Variants in CTNNBIP1 observed in about 807,000 individuals in gnomAD.
The protein encoded by CTNNBIP1 is beta-catenin-interacting protein 1.
Under a neutral mutation model 11.8 loss-of-function variants are expected in CTNNBIP1, and 7 were observed. That is an observed-to-expected ratio of 0.60 (90% confidence interval 0.34 to 1.12). The LOEUF is 1.12. CTNNBIP1 is among the 50% of genes most tolerant of loss of function. The pLI, the probability that CTNNBIP1 is intolerant of heterozygous loss-of-function variation, is 0.03. For synonymous variants in CTNNBIP1, 58 were observed against 43.9 expected (o/e 1.32, Z -1.26); for missense variants, 101 against 113.4 (o/e 0.89, Z 0.50).
intron 5 of CTNNBIP1, among the ~76,000 whole-genome samples, chr1:9,856,012 GT>G (rs1267525227): frequency 6.6e-6 from 1 of 152,094 alleles, no homozygotes; most frequent in Non-Finnish European, 1.5e-5. Flanking sequence ...GCTGGGCGTG[GT>G]GGCACATGCC....
chr1:9,896,514 C>T (rs1437037469), intron 1 of CTNNBIP1, among the ~76,000 whole-genome samples: 1 of 151,426 alleles, frequency 6.6e-6, no homozygotes, highest in South Asian at 2.1e-4. Flanking sequence ...GCCTGGCCAA[C>T]ATGGTGAAAC....
In CTNNBIP1 at chr1:9,864,574, C is replaced by T. The variant is rs540577632; in HGVS notation, c.187+6613G>A. 7.7e-3 allele frequency among the ~76,000 whole-genome samples: 1,180 copies of T among 152,276 alleles called. 16 individuals are homozygous for T. The highest frequency in any genetic ancestry group is 0.027 in the African/African-American group (1,116 of 41,564). On this transcript the variant is annotated intron_variant, in intron 5 of 5. Transcript: ENST00000377263. ...CAATCTCCTGACCTCGTGATCCGCC[C>T]ACCTTGGCCTCCGAAAGTGCTGAGA...
At chr1:9,887,512 C>A (rs746026891) in intron 1 of CTNNBIP1, among the ~76,000 whole-genome samples, 1 of 152,000 alleles carries the variant, frequency 6.6e-6, no homozygotes, top group Admixed American at 6.6e-5. Flanking sequence ...GTCAAGAGAT[C>A]GCCAACATAG....
At position 9,870,166 on chromosome 1, in the gene CTNNBIP1, G is replaced by T. The variant is rs533771675; in HGVS notation, c.187+1021C>A. 2.0e-5 allele frequency among the ~76,000 whole-genome samples: 3 copies of T among 152,344 alleles called. No individual in the cohort carries two copies. In the South Asian group the frequency reaches 6.2e-4, roughly 32 times the overall value. On this transcript the variant is annotated intron_variant, in intron 5 of 5. Transcript: ENST00000377263. Reference sequence around the variant, plus strand: ...TGGCTGGTGATCTAGGTCAGGCCCCGCATGCCAGCCTCAAAGCACAGCAAA... The same window carrying T: ...TGGCTGGTGATCTAGGTCAGGCCCCTCATGCCAGCCTCAAAGCACAGCAAA...
In CTNNBIP1 at chr1:9,879,152, G is replaced by A. The variant is rs554812288; in HGVS notation, c.-109-1163C>T. ...GCAGAGTTTGCAGTGAGCTGACATC[G>A]CGCCACTACACTCTAGCCTGGGGAA... On this transcript the variant is annotated intron_variant, in intron 2 of 5. Coordinates refer to ENST00000377263, the MANE Select transcript of CTNNBIP1 (RefSeq NM_020248.3). Among the ~76,000 whole-genome samples, 54 of 151,968 alleles carry A rather than the reference G, an allele frequency of 3.6e-4. No individual in the cohort carries two copies. In the South Asian group the frequency reaches 0.01, roughly 29 times the overall value.
intron 1 of CTNNBIP1, among the ~76,000 whole-genome samples, chr1:9,896,796 A>G (rs1182950912): frequency 2.0e-5 from 3 of 151,910 alleles, no homozygotes; most frequent in East Asian, 1.9e-4. Context: ...GTGAAACCCC[A>G]TTTCTACTAA....
At chr1:9,886,138 C>T (rs1382650869) in intron 1 of CTNNBIP1, among the ~76,000 whole-genome samples, 1 of 151,712 alleles carries the variant, frequency 6.6e-6, no homozygotes, top group East Asian at 1.9e-4. Flanking sequence ...CTCGCCTCTT[C>T]TCTCCCAGCT....
chr1:9,909,798 G>C (rs1347998552), intron 1 of CTNNBIP1, among the ~76,000 whole-genome samples: 3 of 152,108 alleles, frequency 2.0e-5, no homozygotes, highest in African/African-American at 4.8e-5. Flanking sequence ...CGGGAGGGCG[G>C]ACGGGCGATG....
intron 1 of CTNNBIP1, among the ~76,000 whole-genome samples, chr1:9,887,704 G>GA (rs1359475225): frequency 1.2e-4 from 16 of 137,512 alleles, no homozygotes; most frequent in African/African-American, 1.9e-4. Flanking sequence ...TCCGTCTCAA[G>GA]AAAAAAAAAA....
chr1:9,861,511 G>A (rs1196853991), intron 5 of CTNNBIP1, among the ~76,000 whole-genome samples: 4 of 152,304 alleles, frequency 2.6e-5, no homozygotes, highest in African/African-American at 7.2e-5. Context: ...GGCGGCCGGC[G>A]ACCAGTGATC....
chr1:9,853,321 G>C (rs1033902820), intron 5 of CTNNBIP1, among the ~76,000 whole-genome samples: 1 of 152,256 alleles, frequency 6.6e-6, no homozygotes, highest in Non-Finnish European at 1.5e-5. Context: ...TGGTTGGCCA[G>C]GTATTTGTCA....
chr1:9,909,554 C>T (rs1236413279), intron 1 of CTNNBIP1, among the ~76,000 whole-genome samples: 1 of 152,110 alleles, frequency 6.6e-6, no homozygotes, highest in Non-Finnish European at 1.5e-5. Flanking sequence ...CAGTTTGGGG[C>T]TCCAGGTGGT....
At chr1:9,888,834 C>T (rs550364208) in intron 1 of CTNNBIP1, among the ~76,000 whole-genome samples, 11 of 152,338 alleles carry the variant, frequency 7.2e-5, no homozygotes, top group Admixed American at 5.9e-4. Context: ...GTGCCGTGCA[C>T]GCTGTTCCAG....
intron 1 of CTNNBIP1, among the ~76,000 whole-genome samples, chr1:9,909,864 G>A (rs1639700006): frequency 6.6e-6 from 1 of 151,852 alleles, no homozygotes. Context: ...GGACACCTGT[G>A]GAGGCGACCC....
intron 3 of CTNNBIP1, among the ~76,000 whole-genome samples, chr1:9,874,063 G>C (rs1638917118): frequency 6.6e-6 from 1 of 152,080 alleles, no homozygotes; most frequent in South Asian, 2.1e-4. Flanking sequence ...TCCTTGCCAA[G>C]ACCCTGCCAG....
chr1:9,853,186 T>C (rs1352565500), intron 5 of CTNNBIP1, among the ~76,000 whole-genome samples: 1 of 152,224 alleles, frequency 6.6e-6, no homozygotes, highest in African/African-American at 2.4e-5. Context: ...GCGGCCTGTC[T>C]GTGCTCTCTT....
chr1:9,863,736 G>A (rs1221406102), intron 5 of CTNNBIP1, among the ~76,000 whole-genome samples: 6 of 152,214 alleles, frequency 3.9e-5, no homozygotes, highest in Admixed American at 3.9e-4. Context: ...CTTGGAAGGG[G>A]TCAGCGAGGG....
At chr1:9,860,428 TAAAAAAA>T (rs58165059) in intron 5 of CTNNBIP1, among the ~76,000 whole-genome samples, 2 of 45,544 alleles carry the variant, frequency 4.4e-5, no homozygotes, top group Admixed American at 6.0e-4. Context: ...CCGTCTCTAC[TAAAAAAA>T]AAAAAAAAAA....
At chr1:9,890,375 T>TG (rs1251451415) in intron 1 of CTNNBIP1, among the ~76,000 whole-genome samples, 3 of 152,046 alleles carry the variant, frequency 2.0e-5, no homozygotes, top group Admixed American at 1.3e-4. Flanking sequence ...CTCTGCACAG[T>TG]GGGGGGACAA....
Sources: gnomAD v4.1 joint callset for allele counts (sites outside exome capture counted in the v4.1 genomes callset) on GRCh38, gnomAD v4.1.1 for gene constraint, MANE v1.5 for transcripts, NCBI Gene and HGNC (gene_info 2026-07-23, HGNC 2026-07-21) for gene names.